DLG2: variants seen among roughly 807,000 people sequenced by gnomAD.
DLG2 encodes the protein discs large MAGUK scaffold protein 2.
Under a neutral mutation model 132.5 loss-of-function variants are expected in DLG2, and 45 were observed. That is an observed-to-expected ratio of 0.34 (90% CI 0.27 to 0.44). DLG2 has a LOEUF of 0.44. Among genes scored for constraint, DLG2 ranks in the 20% least tolerant of loss-of-function variants. The pLI, the probability that DLG2 is intolerant of heterozygous loss-of-function variation, is 1.00. For synonymous variants in DLG2, 424 were observed against 419.6 expected, an observed-to-expected ratio of 1.01 and a Z score of -0.13; for missense variants, 1,045 against 1,196.9, an observed-to-expected ratio of 0.87 and a Z score of 1.87.
Position 84,910,441 on chromosome 11 carries a change from T to G in DLG2, c.357+201220A>C, listed in dbSNP as rs115934318. Among the ~76,000 whole-genome samples, 258 of 152,314 alleles carry G rather than the reference T, an allele frequency of 1.7e-3. 1 individual carries two copies. Among genetic ancestry groups the G allele is most frequent in the African/African-American group, 5.9e-3 (246 of 41,582 alleles). ...TAAAATTTTTTAGACAGAATGATTTTTTTTACTTCAAATCAAATTAACTTT... is the reference window on the plus strand; with the variant it reads ...TAAAATTTTTTAGACAGAATGATTTGTTTTACTTCAAATCAAATTAACTTT... On this transcript the variant is annotated intron_variant, in intron 6 of 27. Coordinates refer to ENST00000376104, the MANE Select transcript of DLG2 (RefSeq NM_001142699.3).
chr11:85,323,514 T>C (rs1301318603), intron 3 of DLG2, among the ~76,000 whole-genome samples: 1 of 152,208 alleles, frequency 6.6e-6, no homozygotes, highest in Non-Finnish European at 1.5e-5. Context: ...ACATTCCAAA[T>C]CTTCTCTTCA....
intron 7 of DLG2, among the ~76,000 whole-genome samples, chr11:84,418,779 A>C (rs1355426950): frequency 1.3e-5 from 2 of 152,200 alleles, no homozygotes; most frequent in Non-Finnish European, 2.9e-5. Flanking sequence ...GGTTCCCTAA[A>C]ATGCTCTTAT....
intron 2 of DLG2, among the ~76,000 whole-genome samples, chr11:85,611,058 A>T (rs1373872346): frequency 6.6e-6 from 1 of 152,184 alleles, no homozygotes; most frequent in Non-Finnish European, 1.5e-5. Flanking sequence ...CCCACAGGAC[A>T]AAACTTATCT....
At position 85,483,232 on chromosome 11, in the gene DLG2, A is replaced by G. The variant is rs1461898451; in HGVS notation, c.40+115425T>C. On this transcript the variant is annotated intron_variant, in intron 3 of 27. Transcript: ENST00000376104. ...GTGAGAGAAAATAAGCAAACCATAT[A>G]TGAATAAGTTCCAATAAGGCTAGCA... Among the ~76,000 whole-genome samples the G allele has an allele frequency of 2.0e-5, 3 of 152,224 alleles. 1 individual carries two copies. Among genetic ancestry groups the G allele is most frequent in the Non-Finnish European group, 4.4e-5 (3 of 68,038 alleles).
At chr11:83,683,144 C>CT (rs1254548848) in intron 18 of DLG2, among the ~76,000 whole-genome samples, 2 of 152,156 alleles carry the variant, frequency 1.3e-5, no homozygotes, top group Non-Finnish European at 2.9e-5. Context: ...TCAGTTTAAC[C>CT]TTTTTAGGTT....
intron 3 of DLG2, among the ~76,000 whole-genome samples, chr11:85,299,126 G>T (rs1326325521): frequency 6.6e-6 from 1 of 152,112 alleles, no homozygotes. Flanking sequence ...ATAGCAAGTT[G>T]AGCATTGTAT....
intron 4 of DLG2, among the ~76,000 whole-genome samples, chr11:85,220,576 T>C (rs965227273): frequency 6.6e-6 from 1 of 151,744 alleles, no homozygotes; most frequent in Non-Finnish European, 1.5e-5. Context: ...GTTCCTAGTT[T>C]CTACATAGGG....
At chr11:83,656,471 A>G (rs2072484904) in intron 18 of DLG2, among the ~76,000 whole-genome samples, 1 of 152,190 alleles carries the variant, frequency 6.6e-6, no homozygotes, top group South Asian at 2.1e-4. Context: ...CCTGACATTC[A>G]TTCCTCTGCC....
intron 6 of DLG2, among the ~76,000 whole-genome samples, chr11:84,912,207 C>T (rs765709679): frequency 6.6e-5 from 10 of 152,166 alleles, no homozygotes; most frequent in South Asian, 2.1e-4. Context: ...TGGAGCACAG[C>T]GGCGCGATCT....
chr11:84,421,864 C>T (rs995029891), intron 7 of DLG2, among the ~76,000 whole-genome samples: 3 of 152,196 alleles, frequency 2.0e-5, no homozygotes, highest in Non-Finnish European at 2.9e-5. Flanking sequence ...GAATGAATCC[C>T]TCACCGCTTC....
intron 6 of DLG2, among the ~76,000 whole-genome samples, chr11:84,827,321 A>C (rs1599034418): frequency 6.6e-6 from 1 of 151,874 alleles, no homozygotes; most frequent in East Asian, 2.0e-4. Context: ...ATGGGAATTT[A>C]CAATGACTAG....
intron 3 of DLG2, among the ~76,000 whole-genome samples, chr11:85,305,217 T>A (rs1417643787): frequency 3.3e-5 from 5 of 152,248 alleles, no homozygotes; most frequent in Non-Finnish European, 7.3e-5. Flanking sequence ...AGCGGTACTC[T>A]TTAAATGTCA....
At chr11:84,373,275 A>AAAAAAAAAAAAAAAAAC (rs2098716124) in intron 7 of DLG2, among the ~76,000 whole-genome samples, 2 of 149,048 alleles carry the variant, frequency 1.3e-5, no homozygotes, top group Non-Finnish European at 3.0e-5. Flanking sequence ...CAAAACAAAA[A>AAAAAAAAAAAAAAAAAC]AAAAACCCAC....
chr11:85,489,784 C>T (rs1039987003), intron 3 of DLG2, among the ~76,000 whole-genome samples: 7 of 152,050 alleles, frequency 4.6e-5, no homozygotes, highest in African/African-American at 1.7e-4. Context: ...TATACGAACA[C>T]ATGGAAATTA....
intron 6 of DLG2, among the ~76,000 whole-genome samples, chr11:85,005,810 T>G (rs1377635667): frequency 6.6e-6 from 1 of 152,194 alleles, no homozygotes; most frequent in Non-Finnish European, 1.5e-5. Flanking sequence ...TGTGCCGGAT[T>G]TCAAAGGAAT....
intron 6 of DLG2, among the ~76,000 whole-genome samples, chr11:84,836,151 C>T (rs1214293529): frequency 1.3e-5 from 2 of 151,582 alleles, no homozygotes; most frequent in Non-Finnish European, 2.9e-5. Context: ...TACAAGATTC[C>T]AGTAAGAGAA....
intron 15 of DLG2, among the ~76,000 whole-genome samples, chr11:83,884,762 G>A (rs574795883): frequency 1.3e-5 from 2 of 152,274 alleles, no homozygotes; most frequent in East Asian, 1.9e-4. Context: ...CCAGAGGAAC[G>A]ATCAGACATC....
At chr11:84,591,589 AG>A (rs2099543467) in intron 6 of DLG2, among the ~76,000 whole-genome samples, 1 of 151,914 alleles carries the variant, frequency 6.6e-6, no homozygotes, top group Non-Finnish European at 1.5e-5. Context: ...TGAACCCGGG[AG>A]GTGGAGGTTG....
At chr11:84,273,412 G>C in intron 7 of DLG2, 1 of 1,211,184 alleles carries the variant, frequency 8.3e-7, no homozygotes, top group South Asian at 2.5e-5. Context: ...AAGTTAATCA[G>C]AACATTTCTT....
Sources: allele counts gnomAD v4.1 joint callset (sites outside exome capture counted in the v4.1 genomes callset), GRCh38; gene constraint gnomAD v4.1.1; transcripts MANE v1.5; gene names NCBI Gene and HGNC (gene_info 2026-07-23, HGNC 2026-07-21).